C5: variants seen among roughly 807,000 people sequenced by gnomAD.
C5 encodes the protein C3 and PZP-like alpha-2-macroglobulin domain-containing protein 4.
A neutral mutation model predicts 218.8 loss-of-function variants in C5; 140 were observed. That is an observed-to-expected ratio of 0.64 (90% confidence interval 0.56 to 0.74). C5 has a LOEUF of 0.74. C5 is among the 30% of genes least tolerant of loss of function. The pLI, the probability that C5 is intolerant of heterozygous loss-of-function variation, is 0.00. For synonymous variants in C5, 614 were observed against 682.3 expected, an observed-to-expected ratio of 0.90 and a Z score of 1.56; for missense variants, 1,700 against 1,969.6, an observed-to-expected ratio of 0.86 and a Z score of 2.59.
chr9:121,069,281 G>A, the C5 span, among the ~76,000 whole-genome samples: 2 of 151,950 alleles, frequency 1.3e-5, no homozygotes, highest in East Asian at 3.9e-4. Context: ...GAATACACAC[G>A]GAACTCAAAC....
intron 22 of C5, among the ~76,000 whole-genome samples, 160 bp downstream of exon 22, chr9:120,996,080 A>G (rs1309987919): frequency 6.6e-6 from 1 of 152,114 alleles, no homozygotes; most frequent in Non-Finnish European, 1.5e-5. Context: ...CGGCCTCCCA[A>G]AGTGCTAGGA....
chr9:121,013,601 G>C (rs1214487562), intron 17 of C5, among the ~76,000 whole-genome samples: 1 of 152,174 alleles, frequency 6.6e-6, no homozygotes, highest in East Asian at 1.9e-4. Flanking sequence ...CCTTGCATGA[G>C]GCTCAGAGAG....
At chr9:120,984,914 G>A (rs1001845163) in intron 25 of C5, among the ~76,000 whole-genome samples, 1 of 151,582 alleles carries the variant, frequency 6.6e-6, no homozygotes, top group Non-Finnish European at 1.5e-5. Flanking sequence ...TAGAGACAGG[G>A]TTTCACCATG....
At chr9:121,008,329 T>G (rs947479231) in intron 18 of C5, 79 bp downstream of exon 18, 2 of 970,846 alleles carry the variant, frequency 2.1e-6, no homozygotes, top group Non-Finnish European at 3.3e-6. Flanking sequence ...TATTGGGAAA[T>G]GGGTAGTTTC....
Position 121,037,906 on chromosome 9 carries a change from T to C in C5, c.467A>G (p.Lys156Arg). The C allele has an allele frequency of 6.6e-7, 1 of 1,526,308 alleles. No homozygotes were observed. Among genetic ancestry groups the C allele is most frequent in the East Asian group, 2.3e-5 (1 of 43,712 alleles). The allele number at this position is 1,526,308 out of a possible 1,614,324, so 94.5% of individuals were successfully genotyped here. Residue 156 changes from lysine (K) to arginine (R), a missense_variant, in exon 4 of 41, where the codon AAA becomes AGA. Transcript: ENST00000223642. Reference protein sequence around the residue: ...YSLNDDLKPAKRETVLTFIDP... With the variant: ...YSLNDDLKPARRETVLTFIDP... ...TATGAAAGTTAAGACAGTTTCTCTT[T>C]TGGCTGGCTTCAAGTCGTCATTCAA...
intron 32 of C5, among the ~76,000 whole-genome samples, chr9:120,969,600 C>T (rs1489628336): frequency 6.6e-6 from 1 of 152,114 alleles, no homozygotes; most frequent in Non-Finnish European, 1.5e-5. Context: ...AAGGGAGAAC[C>T]AACCAGCAGA....
intron 3 of C5, among the ~76,000 whole-genome samples, chr9:121,040,531 C>A (rs192335480): frequency 6.6e-6 from 1 of 152,064 alleles, no homozygotes; most frequent in Non-Finnish European, 1.5e-5. Context: ...AATAACAAGA[C>A]GATTAAAAAA....
chr9:121,023,519 C>G lies in C5; in HGVS notation c.1001G>C (p.Gly334Ala). Residue 334 changes from glycine (G) to alanine (A), a missense_variant and splice_region_variant, in exon 10 of 41, where the codon GGT (glycine) becomes GCT (alanine). Physicochemically the swap from Gly to Ala is moderately conservative, Grantham distance 60. Transcript: ENST00000223642. ...TATTTCTGCCTCTTCAGAAAATCCACCTAAGGAAATGGCAAGCATCATGTT... is the reference window on the plus strand; with the variant it reads ...TATTTCTGCCTCTTCAGAAAATCCAGCTAAGGAAATGGCAAGCATCATGTT... The part of the protein sequence containing the change: ...YIAVTVIEST[G>A]GFSEEAEIPG... 1 of 1,579,128 alleles carries G rather than the reference C, an allele frequency of 6.3e-7. No individual in the cohort carries two copies. The highest frequency in any genetic ancestry group is 8.7e-7 in the Non-Finnish European group (1 of 1,148,084).
chr9:120,963,818 C>T (rs2046846399), intron 33 of C5, 80 bp from the exon 34 acceptor site: 2 of 1,078,360 alleles, frequency 1.9e-6, no homozygotes, highest in African/African-American at 3.2e-5. Flanking sequence ...CCTTAGTAGA[C>T]CTTAATTTTT....
intron 36 of C5, 106 bp downstream of exon 36, chr9:120,962,565 T>C: frequency 1.1e-6 from 1 of 873,366 alleles, no homozygotes; most frequent in Non-Finnish European, 2.0e-6. Flanking sequence ...GAGTGGTCCC[T>C]AAGAGAGGCA....
chr9:121,041,408 G>A (rs2047579565), intron 3 of C5, among the ~76,000 whole-genome samples: 1 of 139,482 alleles, frequency 7.2e-6, no homozygotes, highest in African/African-American at 2.6e-5. Flanking sequence ...GGGTTCAAGC[G>A]ATTCTCCTGC....
At chr9:121,000,644 A>C (rs1431280501) in intron 20 of C5, among the ~76,000 whole-genome samples, 1 of 152,224 alleles carries the variant, frequency 6.6e-6, no homozygotes, top group Non-Finnish European at 1.5e-5. Context: ...AAAACTATAA[A>C]AGTACTATAG....
intron 33 of C5, among the ~76,000 whole-genome samples, chr9:120,965,563 A>AAAG (rs1481203829): frequency 1.3e-5 from 2 of 149,934 alleles, no homozygotes; most frequent in Admixed American, 6.6e-5. Flanking sequence ...TAAATAAATA[A>AAAG]AAGCAGTCCC....
intron 40 of C5, 33 bp downstream of exon 40, chr9:120,953,697 A>C: frequency 6.2e-7 from 1 of 1,609,602 alleles, no homozygotes; most frequent in Non-Finnish European, 8.5e-7. Flanking sequence ...TTTTGGAGGG[A>C]AGATCAGTGA....
At chr9:120,970,623 C>T (rs1382304460) in intron 31 of C5, among the ~76,000 whole-genome samples, 3 of 152,180 alleles carry the variant, frequency 2.0e-5, no homozygotes, top group Admixed American at 6.5e-5. Context: ...TCCAGCCACA[C>T]GCCATCATGG....
At chr9:121,023,554 T>G (rs1188417365) in intron 9 of C5, 35 bp from the exon 10 acceptor site, 1 of 1,215,992 alleles carries the variant, frequency 8.2e-7, no homozygotes, top group Admixed American at 1.7e-5. Flanking sequence ...TGACAGTTTT[T>G]AGGAGTATCA....
At chr9:120,985,669 A>G (rs559618144) in intron 25 of C5, among the ~76,000 whole-genome samples, 1 of 152,344 alleles carries the variant, frequency 6.6e-6, no homozygotes, top group East Asian at 1.9e-4. Context: ...TAAAGTAACT[A>G]AAAAGTATTA....
At chr9:121,034,750 C>T in intron 5 of C5, 53 bp downstream of exon 5, 1 of 978,580 alleles carries the variant, frequency 1.0e-6, no homozygotes, top group Non-Finnish European at 1.6e-6. Context: ...TGGTTACCTG[C>T]TTCTTCACCA....
chr9:121,027,744 G>A (rs1375053536), intron 7 of C5, among the ~76,000 whole-genome samples: 6 of 152,124 alleles, frequency 3.9e-5, no homozygotes, highest in Non-Finnish European at 1.5e-5. Context: ...AAAAACGCTA[G>A]AAGAAAACCT....
Sources: allele counts gnomAD v4.1 joint callset (sites outside exome capture counted in the v4.1 genomes callset), GRCh38; gene constraint gnomAD v4.1.1; transcripts MANE v1.5; gene names NCBI Gene and HGNC (gene_info 2026-07-23, HGNC 2026-07-21).